The following PUDP variants were observed in gnomAD, a reference collection of about 807,000 sequenced individuals.
PUDP encodes pseudouridine-5'-phosphatase.
PUDP carries 8 observed loss-of-function variants against 9.4 expected under a neutral mutation model. That is an observed-to-expected ratio of 0.85 (90% confidence interval 0.50 to 1.53). The LOEUF (loss-of-function observed/expected upper bound fraction) is 1.53. Ranked by LOEUF, PUDP falls within the 40% of genes most tolerant of loss-of-function variation. The pLI is 0.00. For missense variants in PUDP, 188 were observed against 189.7 expected (o/e 0.99, Z 0.05); for synonymous variants, 99 against 80.7 (o/e 1.23, Z -1.22).
chrX:6,891,692 G>A (rs1014625078), intron 3 of PUDP, among the ~76,000 whole-genome samples: 25 of 111,714 alleles, frequency 2.2e-4, no homozygotes, highest in African/African-American at 7.8e-4. Flanking sequence ...TTCTGCCTTG[G>A]ACAAGTCATT....
chrX:6,713,112 T>A (rs1409035209), intron 1 of PUDP, among the ~76,000 whole-genome samples: 1 of 112,001 alleles, frequency 8.9e-6, no homozygotes, highest in Admixed American at 9.5e-5. Flanking sequence ...TCCTGGCTCC[T>A]CCTCCTCTGA....
chrX:7,074,220 G>A (rs149328903), intron 3 of PUDP, among the ~76,000 whole-genome samples: 6 of 112,446 alleles, frequency 5.3e-5, no homozygotes, highest in African/African-American at 1.6e-4. Context: ...TGCCACACCC[G>A]GCTGCGCATG....
chrX:6,749,829 C>T (rs1176884443), intron 3 of PUDP, among the ~76,000 whole-genome samples: 2 of 111,581 alleles, frequency 1.8e-5, no homozygotes, highest in Non-Finnish European at 3.8e-5. Flanking sequence ...CTCATGCGAC[C>T]GTGAAAATGG....
At chrX:6,788,212 G>C (rs1243912409) in intron 3 of PUDP, among the ~76,000 whole-genome samples, 1 of 111,971 alleles carries the variant, frequency 8.9e-6, no homozygotes, top group African/African-American at 3.2e-5. Flanking sequence ...TATTCAATAA[G>C]TTACATAAAA....
intron 3 of PUDP, among the ~76,000 whole-genome samples, chrX:6,831,784 T>C (rs1926507888): frequency 1.8e-5 from 2 of 111,974 alleles, no homozygotes; most frequent in African/African-American, 3.2e-5. Context: ...CTTCTTGAAA[T>C]AGTAAAAGAG....
chrX:7,086,899 G>C (rs1931280443), intron 2 of PUDP, among the ~76,000 whole-genome samples: 1 of 112,085 alleles, frequency 8.9e-6, no homozygotes, highest in Admixed American at 9.5e-5. Flanking sequence ...ACAGGAGAAA[G>C]GAATTGGGTT....
chrX:7,104,481 G>A (rs1482015482), intron 2 of PUDP, among the ~76,000 whole-genome samples: 2 of 111,916 alleles, frequency 1.8e-5, no homozygotes, highest in East Asian at 5.6e-4. Flanking sequence ...CAATTGTATA[G>A]CAACATGAAT....
At chrX:6,751,339 C>A (rs967656022) in intron 3 of PUDP, among the ~76,000 whole-genome samples, 5 of 111,091 alleles carry the variant, frequency 4.5e-5, no homozygotes, top group Admixed American at 1.9e-4. Flanking sequence ...AGATGGATTC[C>A]CTTAGGTAAC....
chrX:7,080,742 G>A (rs1443090493), intron 2 of PUDP, among the ~76,000 whole-genome samples: 1 of 110,918 alleles, frequency 9.0e-6, no homozygotes, highest in Non-Finnish European at 1.9e-5. Context: ...TGATGGATGA[G>A]ATAAAAGGCT....
At chrX:7,106,666 T>C (rs1931893507) in intron 1 of PUDP, among the ~76,000 whole-genome samples, 1 of 111,598 alleles carries the variant, frequency 9.0e-6, no homozygotes, top group African/African-American at 3.3e-5. Flanking sequence ...GCTACTACAG[T>C]GAAATAATCC....
chrX:7,067,466 G>A (rs1930597794), intron 3 of PUDP, among the ~76,000 whole-genome samples: 1 of 111,999 alleles, frequency 8.9e-6, no homozygotes, highest in African/African-American at 3.2e-5. Flanking sequence ...GAACGCAGGT[G>A]GCTGTGGGTC....
intron 1 of PUDP, among the ~76,000 whole-genome samples, chrX:7,146,426 T>C (rs1327633480): frequency 8.9e-6 from 1 of 112,018 alleles, no homozygotes; most frequent in Non-Finnish European, 1.9e-5. Flanking sequence ...AGAAATTTAT[T>C]TGACAATTTA....
intron 3 of PUDP, among the ~76,000 whole-genome samples, chrX:6,909,624 G>C (rs1221394045): frequency 9.0e-6 from 1 of 111,245 alleles, no homozygotes; most frequent in Non-Finnish European, 1.9e-5. Context: ...TTGAAACAAA[G>C]ACCACCCAGA....
chrX:7,093,656 C>T (rs1050191434), intron 2 of PUDP, among the ~76,000 whole-genome samples: 2 of 111,965 alleles, frequency 1.8e-5, no homozygotes, highest in Non-Finnish European at 1.9e-5. Context: ...ACACCCCTCC[C>T]GGAGGGACAG....
rs761907727 is a variant in PUDP, at chrX:6,733,304, A to C, written c.*248-26838T>G. On this transcript the variant is annotated intron_variant and NMD_transcript_variant, in intron 3 of 3. Coordinates refer to the PUDP transcript ENST00000655425. ...AGAGGCACGCTTCGTCCCGGTGAAG[A>C]CCAGACCAGAGCAGCCAATCCAGGG... Among the ~76,000 whole-genome samples the C allele has an allele frequency of 5.4e-5, 6 of 111,503 alleles. No homozygotes were observed. In the East Asian group the frequency reaches 1.7e-3, roughly 32 times the overall value.
intron 1 of PUDP, among the ~76,000 whole-genome samples, chrX:7,013,302 A>G (rs1569139582): frequency 8.9e-6 from 1 of 112,067 alleles, no homozygotes; most frequent in East Asian, 2.8e-4. Context: ...AAATTGAGTG[A>G]CTTTTTAAAA....
At chrX:6,801,064 G>C (rs113097947) in intron 3 of PUDP, among the ~76,000 whole-genome samples, 143 of 111,937 alleles carry the variant, frequency 1.3e-3, no homozygotes, top group African/African-American at 4.5e-3. Context: ...TGATCCCAGG[G>C]ATGCAAGCCT....
At chrX:6,808,743 T>C (rs961940380) in intron 3 of PUDP, among the ~76,000 whole-genome samples, 3 of 112,357 alleles carry the variant, frequency 2.7e-5, no homozygotes, top group Non-Finnish European at 5.6e-5. Context: ...TCTTAAAATA[T>C]AGATGTAACC....
intron 3 of PUDP, among the ~76,000 whole-genome samples, chrX:6,788,975 G>A (rs1190287547): frequency 2.7e-5 from 3 of 111,697 alleles, no homozygotes; most frequent in African/African-American, 9.8e-5. Flanking sequence ...CAGATGCAGA[G>A]AAGGTGGATT....
Sources: allele counts gnomAD v4.1 joint callset (sites outside exome capture counted in the v4.1 genomes callset), GRCh38; gene constraint gnomAD v4.1.1; transcripts MANE v1.5; gene names NCBI Gene and HGNC (gene_info 2026-07-23, HGNC 2026-07-21).